The following CATSPERG variants were observed in gnomAD, a reference collection of about 807,000 sequenced individuals.
The protein encoded by CATSPERG is catsper channel auxiliary subunit gamma.
A neutral mutation model predicts 145.0 loss-of-function variants in CATSPERG; 115 were observed. That is an observed-to-expected ratio of 0.79 (90% CI 0.68 to 0.93). The LOEUF (loss-of-function observed/expected upper bound fraction) is 0.93. Ranked by LOEUF, CATSPERG falls within the 40% of genes least tolerant of loss-of-function variation. The probability of loss-of-function intolerance (pLI) is 0.00; values close to 1 mark genes in which losing one functional copy is unlikely to be tolerated. For missense variants in CATSPERG, 1,296 were observed against 1,490.1 expected (o/e 0.87, Z 2.14); for synonymous variants, 588 against 589.0 (o/e 1.00, Z 0.02).
At chr19:38,362,597 GC>G in intron 19 of CATSPERG, 23 bp downstream of exon 19, 3 of 1,612,956 alleles carry the variant, frequency 1.9e-6, no homozygotes, top group Non-Finnish European at 2.5e-6. Flanking sequence ...CCAGAGTGGA[GC>G]CCGAAGGGCG....
chr19:38,362,394 G>C lies in CATSPERG; in HGVS notation c.2176G>C (p.Ala726Pro). The change falls in exon 19 of 29, where the codon GCG becomes CCG. Residue 726 changes from alanine (A) to proline (P), a missense_variant. Physicochemically the swap from Ala to Pro is conservative, Grantham distance 27. Transcript: ENST00000409235. ...ACCCCAGGATTACTACTTCTTCTTGGCGAGCAATTGGCGAAGCGCGGGCGG... is the reference window on the plus strand; with the variant it reads ...ACCCCAGGATTACTACTTCTTCTTGCCGAGCAATTGGCGAAGCGCGGGCGG... ...KQDQDYYFFLASNWRSAGGVS... is the reference protein window; with the variant it reads ...KQDQDYYFFLPSNWRSAGGVS... 6.2e-7 allele frequency: 1 copy of C among 1,614,164 alleles called. No homozygotes were observed. The highest frequency in any genetic ancestry group is 8.5e-7 in the Non-Finnish European group (1 of 1,180,018).
In CATSPERG at chr19:38,370,763, G is replaced by A. The variant is rs1186487460; in HGVS notation, c.3451G>A (p.Glu1151Lys). ...RMTEDRAEPK[E>K]AVERQLMT ...GACAGAGGACAGGGCTGAACCCAAG[G>A]AAGCCGTGGAGAGACAGTTGATGAC... The change falls in exon 29 of 29, where the codon GAA (glutamate) becomes AAA (lysine). Residue 1151 changes from glutamate to lysine, a missense_variant. Coordinates refer to ENST00000409235, the MANE Select transcript of CATSPERG (RefSeq NM_021185.5). The A allele has an allele frequency of 6.2e-7, 1 of 1,614,050 alleles. No homozygotes were observed. Among genetic ancestry groups the A allele is most frequent in the South Asian group, 1.1e-5 (1 of 91,080 alleles).
At chr19:38,362,071 G>C (rs1177833772) in intron 17 of CATSPERG, 139 bp from the exon 18 acceptor site, 3 of 1,044,050 alleles carry the variant, frequency 2.9e-6, no homozygotes, top group Non-Finnish European at 4.2e-6. Context: ...AGCAGGGTTT[G>C]GGGATGGGCT....
chr19:38,364,605 A>C (rs1970415338), intron 20 of CATSPERG, among the ~76,000 whole-genome samples: 1 of 152,256 alleles, frequency 6.6e-6, no homozygotes, highest in African/African-American at 2.4e-5. Context: ...AGCCGAGATC[A>C]CGCCACTGCA....
Position 38,343,638 on chromosome 19 carries a change from TCA to T in CATSPERG, c.385_386del (p.Thr129LeufsTer37). ...ACGGGGCTAAAGCCCCTGGTGCTGG[TCA>T]CCTTCCAGTCCCCAGTCAACTTCTA... On this transcript the variant is annotated frameshift_variant, in exon 4 of 29. Coordinates refer to ENST00000409235, the MANE Select transcript of CATSPERG (RefSeq NM_021185.5). LOFTEE classifies it high-confidence loss of function. 1 of 1,551,498 alleles carries T rather than the reference TCA, an allele frequency of 6.4e-7. No individual in the cohort carries two copies. Among genetic ancestry groups the T allele is most frequent in the Non-Finnish European group, 8.7e-7 (1 of 1,146,924 alleles).
chr19:38,369,858 C>T, intron 26 of CATSPERG, 114 bp from the exon 27 acceptor site: 1 of 887,918 alleles, frequency 1.1e-6, no homozygotes, highest in Non-Finnish European at 1.9e-6. Flanking sequence ...TGAGGGAAGG[C>T]ATGAGATTGC....
chr19:38,344,464 C>G, intron 6 of CATSPERG, 96 bp downstream of exon 6: 3 of 1,048,990 alleles, frequency 2.9e-6, no homozygotes, highest in Admixed American at 4.0e-5. Context: ...ATTTAGGGAG[C>G]ACCAACTTCA....
intron 2 of CATSPERG, 24 bp from the exon 3 acceptor site, chr19:38,337,569 G>A (rs775488746): frequency 5.2e-6 from 8 of 1,551,798 alleles, no homozygotes; most frequent in East Asian, 2.4e-5. Flanking sequence ...ATTTCTGGAC[G>A]TGTGGCCTAA....
intron 6 of CATSPERG, among the ~76,000 whole-genome samples, chr19:38,344,901 A>ATTTTTT (rs1158525255): frequency 2.5e-5 from 2 of 80,018 alleles, no homozygotes; most frequent in East Asian, 5.1e-4. Context: ...ATATATATAT[A>ATTTTTT]TTTTTTTTTT....
chr19:38,362,870 T>C (rs1970376627), intron 20 of CATSPERG, 38 bp downstream of exon 20: 1 of 1,026,958 alleles, frequency 9.7e-7, no homozygotes, highest in Admixed American at 2.5e-5. Flanking sequence ...AGGGAGGTTT[T>C]GTTTTTTTTT....
Position 38,343,642 on chromosome 19 carries a change from C to T in CATSPERG, c.387C>T (p.Thr129=), listed in dbSNP as rs1446305917. ...GGCTAAAGCCCCTGGTGCTGGTCAC[C>T]TTCCAGTCCCCAGTCAACTTCTACC... ...LTGLKPLVLV[T]FQSPVNFYRW... Residue 129 remains threonine (T), a synonymous_variant, in exon 4 of 29, where the codon ACC becomes ACT. Coordinates refer to ENST00000409235, the MANE Select transcript of CATSPERG (RefSeq NM_021185.5). 5 of 1,551,446 alleles carry T rather than the reference C, an allele frequency of 3.2e-6. No homozygotes were observed. The highest frequency in any genetic ancestry group is 2.6e-6 in the Non-Finnish European group (3 of 1,146,958).
At chr19:38,342,965 A>G (rs1202686976) in intron 3 of CATSPERG, among the ~76,000 whole-genome samples, 1 of 151,734 alleles carries the variant, frequency 6.6e-6, no homozygotes, top group African/African-American at 2.4e-5. Flanking sequence ...CACTCACCCC[A>G]AGCTCAAGGC....
intron 1 of CATSPERG, chr19:38,336,458 C>T: frequency 3.2e-6 from 1 of 307,800 alleles, no homozygotes; most frequent in Non-Finnish European, 6.5e-6. Context: ...CGGTCAGGAG[C>T]GGAAGCAGAG....
chr19:38,356,655 G>T, intron 10 of CATSPERG, 87 bp from the exon 11 acceptor site: 1 of 1,593,710 alleles, frequency 6.3e-7, no homozygotes. Context: ...TCTTAGGGAG[G>T]GGTGAGTTAT....
chr19:38,361,477 G>A (rs185857211), intron 16 of CATSPERG, among the ~76,000 whole-genome samples, 171 bp from the exon 17 acceptor site: 75 of 152,030 alleles, frequency 4.9e-4, no homozygotes, highest in African/African-American at 1.6e-3. Flanking sequence ...AGGGAGGGAC[G>A]TCCGAGGGGA....
Position 38,343,657 on chromosome 19 carries a change from C to G in CATSPERG, c.402C>G (p.Val134=), listed in dbSNP as rs1969974909. ...PLVLVTFQSP[V]NFYRWKIEQL... The stretch of plus-strand genomic sequence containing the variant: ...TGCTGGTCACCTTCCAGTCCCCAGT[C>G]AACTTCTACCGCTGGAAGATAGAGC... The change falls in exon 4 of 29, where the codon GTC becomes GTG. Residue 134 remains valine (V), a synonymous_variant. Coordinates refer to ENST00000409235, the MANE Select transcript of CATSPERG (RefSeq NM_021185.5). 1 of 1,551,144 alleles carries G rather than the reference C, an allele frequency of 6.4e-7. No homozygotes were observed. The highest frequency in any genetic ancestry group is 8.7e-7 in the Non-Finnish European group (1 of 1,146,810).
Position 38,344,061 on chromosome 19 carries a change from G to T in CATSPERG, c.538G>T (p.Val180Leu). Reference sequence around the variant, plus strand: ...GCCCATGCCCATCAAGAAAGGCAGTGTGGTCATGCGTGTGGACATCAGCAG... The same window carrying T: ...GCCCATGCCCATCAAGAAAGGCAGTTTGGTCATGCGTGTGGACATCAGCAG... ...YTPMPIKKGS[V>L]VMRVDISSNG... Residue 180 changes from valine (V) to leucine (L), a missense_variant, in exon 5 of 29, where the codon GTG (valine) becomes TTG (leucine). Transcript: ENST00000409235. The T allele has an allele frequency of 2.6e-6, 4 of 1,551,636 alleles. No homozygotes were observed. Among genetic ancestry groups the T allele is most frequent in the Non-Finnish European group, 3.5e-6 (4 of 1,146,936 alleles).
At chr19:38,366,886 GT>G in intron 22 of CATSPERG, 1 of 424,562 alleles carries the variant, frequency 2.4e-6, no homozygotes. Flanking sequence ...TAGAGACAGG[GT>G]TTTACTGTGC....
intron 7 of CATSPERG, among the ~76,000 whole-genome samples, chr19:38,347,494 C>A (rs562307282): frequency 5.3e-4 from 81 of 152,346 alleles, no homozygotes; most frequent in African/African-American, 1.8e-3. Context: ...CCAAGGGTTT[C>A]CTATTAGGCA....
Sources: gnomAD v4.1 joint callset for allele counts (sites outside exome capture counted in the v4.1 genomes callset) on GRCh38, gnomAD v4.1.1 for gene constraint, MANE v1.5 for transcripts, NCBI Gene and HGNC (gene_info 2026-07-23, HGNC 2026-07-21) for gene names.